KCNJ6: variants seen among roughly 807,000 people sequenced by gnomAD.
KCNJ6 encodes G protein-activated inward rectifier potassium channel 2.
Under a neutral mutation model 34.2 loss-of-function variants are expected in KCNJ6, and 9 were observed. The observed-to-expected ratio is 0.26, with a 90% CI of 0.16 to 0.46. The LOEUF is 0.46. Ranked by LOEUF, KCNJ6 falls within the 20% of genes least tolerant of loss-of-function variation. KCNJ6 has a pLI of 1.00. For missense variants in KCNJ6, 236 were observed against 531.3 expected (o/e 0.44, Z 5.46); for synonymous variants, 196 against 207.1 (o/e 0.95, Z 0.46).
At chr21:37,808,856 T>C (rs1389490266) in intron 2 of KCNJ6, among the ~76,000 whole-genome samples, 1 of 152,216 alleles carries the variant, frequency 6.6e-6, no homozygotes, top group East Asian at 1.9e-4. Context: ...TCTTTGTTAG[T>C]CTTTCTCCCC....
At chr21:37,736,694 G>A (rs1489749171) in intron 2 of KCNJ6, among the ~76,000 whole-genome samples, 36 of 152,136 alleles carry the variant, frequency 2.4e-4, no homozygotes, top group Non-Finnish European at 1.2e-4. Context: ...CACAATGCAG[G>A]GGACTCCTCC....
At chr21:37,674,202 T>C (rs1327876994) in intron 3 of KCNJ6, among the ~76,000 whole-genome samples, 3 of 152,180 alleles carry the variant, frequency 2.0e-5, no homozygotes, top group South Asian at 2.1e-4. Flanking sequence ...CAGCAAACCT[T>C]TCCCCAGTTA....
At chr21:37,763,204 G>T (rs2055074441) in intron 2 of KCNJ6, among the ~76,000 whole-genome samples, 1 of 152,184 alleles carries the variant, frequency 6.6e-6, no homozygotes, top group African/African-American at 2.4e-5. Flanking sequence ...CCCTGCAGCA[G>T]CTCCCACCTT....
intron 2 of KCNJ6, chr21:37,719,352 A>C (rs185660324): frequency 6.6e-6 from 1 of 152,280 alleles, no homozygotes; most frequent in Non-Finnish European, 1.5e-5. Flanking sequence ...CCCAGGTGTG[A>C]ATTTGAGCGG....
chr21:37,663,779 T>C (rs536330471), intron 3 of KCNJ6, among the ~76,000 whole-genome samples: 1 of 152,290 alleles, frequency 6.6e-6, no homozygotes, highest in East Asian at 1.9e-4. Flanking sequence ...ACCATCATAA[T>C]GACAGCTCTA....
intron 3 of KCNJ6, among the ~76,000 whole-genome samples, chr21:37,686,672 G>A (rs1053600297): frequency 6.6e-6 from 1 of 151,934 alleles, no homozygotes; most frequent in African/African-American, 2.4e-5. Context: ...TCAGCATGTT[G>A]GCCAGGCTGG....
chr21:37,677,831 A>G (rs1034595025), intron 3 of KCNJ6, among the ~76,000 whole-genome samples: 16 of 19,652 alleles, frequency 8.1e-4, no homozygotes, highest in African/African-American at 2.9e-3. Flanking sequence ...TCAGTCATCC[A>G]TCAGTTCACT....
intron 2 of KCNJ6, among the ~76,000 whole-genome samples, chr21:37,791,927 A>G (rs2055218671): frequency 6.6e-6 from 1 of 152,214 alleles, no homozygotes; most frequent in Non-Finnish European, 1.5e-5. Context: ...TCTTGATGCT[A>G]GAACTGTTCC....
chr21:37,698,028 A>G (rs1261842336), intron 3 of KCNJ6, among the ~76,000 whole-genome samples: 1 of 152,212 alleles, frequency 6.6e-6, no homozygotes, highest in Non-Finnish European at 1.5e-5. Context: ...GAGCAAGCCC[A>G]AAAGGAAATG....
intron 3 of KCNJ6, among the ~76,000 whole-genome samples, chr21:37,692,095 T>C (rs1409287555): frequency 6.6e-6 from 1 of 152,176 alleles, no homozygotes; most frequent in Admixed American, 6.5e-5. Context: ...ACTTAATGCA[T>C]GCGGGGCTTA....
chr21:37,892,316 C>T (rs2055766170), intron 1 of KCNJ6, among the ~76,000 whole-genome samples: 1 of 152,222 alleles, frequency 6.6e-6, no homozygotes, highest in Non-Finnish European at 1.5e-5. Context: ...AGGAACAGCA[C>T]TGATGTGGTC....
At chr21:37,845,656 T>A (rs1299621765) in intron 1 of KCNJ6, among the ~76,000 whole-genome samples, 1 of 152,226 alleles carries the variant, frequency 6.6e-6, no homozygotes, top group Non-Finnish European at 1.5e-5. Flanking sequence ...TTGGCTACTG[T>A]GTGGGGACCC....
At chr21:37,717,489 G>A (rs774241799) in intron 2 of KCNJ6, among the ~76,000 whole-genome samples, 11 of 152,216 alleles carry the variant, frequency 7.2e-5, no homozygotes, top group Non-Finnish European at 1.5e-4. Flanking sequence ...GGGATGTGTG[G>A]AGGGAGGCAG....
chr21:37,854,190 A>C (rs1463875773), intron 1 of KCNJ6, among the ~76,000 whole-genome samples: 2 of 152,044 alleles, frequency 1.3e-5, no homozygotes, highest in African/African-American at 4.8e-5. Context: ...ATTAAAAAAA[A>C]CTCACTTCAA....
At chr21:37,889,743 C>T (rs1251244484) in intron 1 of KCNJ6, among the ~76,000 whole-genome samples, 1 of 152,162 alleles carries the variant, frequency 6.6e-6, no homozygotes, top group Non-Finnish European at 1.5e-5. Flanking sequence ...TCTACAGACC[C>T]ATCACTCCAA....
intron 3 of KCNJ6, among the ~76,000 whole-genome samples, chr21:37,670,474 T>A (rs1162419378): frequency 2.6e-5 from 4 of 152,162 alleles, no homozygotes; most frequent in Non-Finnish European, 5.9e-5. Flanking sequence ...CTTAATAATA[T>A]TAAGCCTGGG....
chr21:37,849,093 A>C (rs1199220975), intron 1 of KCNJ6, among the ~76,000 whole-genome samples: 1 of 152,194 alleles, frequency 6.6e-6, no homozygotes, highest in African/African-American at 2.4e-5. Context: ...GCAGGGAGGC[A>C]CTGAGGATGT....
intron 2 of KCNJ6, among the ~76,000 whole-genome samples, chr21:37,730,708 C>T (rs903151763): frequency 6.6e-6 from 1 of 152,146 alleles, no homozygotes; most frequent in African/African-American, 2.4e-5. Flanking sequence ...TGCATAGTGC[C>T]CCATATCAAT....
At chr21:37,731,100 AGTGTGTGTGTGT>A (rs113587330) in intron 2 of KCNJ6, among the ~76,000 whole-genome samples, 1 of 134,674 alleles carries the variant, frequency 7.4e-6, no homozygotes, top group African/African-American at 2.5e-5. Context: ...AGATGAGAGA[AGTGTGTGTGTGT>A]GTGTGTGTGT....
Sources: gnomAD v4.1 joint callset for allele counts (sites outside exome capture counted in the v4.1 genomes callset) on GRCh38, gnomAD v4.1.1 for gene constraint, MANE v1.5 for transcripts, NCBI Gene and HGNC (gene_info 2026-07-23, HGNC 2026-07-21) for gene names.